The following SMAD5 variants were observed in gnomAD, a reference collection of about 807,000 sequenced individuals.
SMAD5 encodes the protein SMAD family member 5.
Under a neutral mutation model 43.1 loss-of-function variants are expected in SMAD5, and 9 were observed. That is an observed-to-expected ratio of 0.21 (90% confidence interval 0.13 to 0.36). SMAD5 has a LOEUF of 0.36. Ranked by LOEUF, SMAD5 falls within the 10% of genes least tolerant of loss-of-function variation. The pLI is 1.00. For missense variants in SMAD5, 348 were observed against 574.0 expected, an observed-to-expected ratio of 0.61 and a Z score of 4.02; for synonymous variants, 190 against 192.4, an observed-to-expected ratio of 0.99 and a Z score of 0.10.
intron 2 of SMAD5, among the ~76,000 whole-genome samples, chr5:136,148,621 G>T (rs950176144): frequency 6.6e-6 from 1 of 151,738 alleles, no homozygotes; most frequent in African/African-American, 2.4e-5. Flanking sequence ...GCTGCTTGCT[G>T]TGCCCAGAGT....
At chr5:136,165,780 T>A (rs1022438839) in intron 5 of SMAD5, among the ~76,000 whole-genome samples, 1 of 150,626 alleles carries the variant, frequency 6.6e-6, no homozygotes, top group Admixed American at 6.6e-5. Context: ...TTGAGTAATA[T>A]TCCGTTGTAT....
chr5:136,164,190 C>T (rs1753918562), intron 5 of SMAD5, among the ~76,000 whole-genome samples: 1 of 152,066 alleles, frequency 6.6e-6, no homozygotes, highest in African/African-American at 2.4e-5. Context: ...AGCGAGGCTC[C>T]ATCTCAAAAA....
At chr5:136,153,226 A>G (rs904221768) in intron 2 of SMAD5, among the ~76,000 whole-genome samples, 1 of 152,214 alleles carries the variant, frequency 6.6e-6, no homozygotes. Flanking sequence ...TTCAAAATTG[A>G]CATAGCATGT....
intron 3 of SMAD5, among the ~76,000 whole-genome samples, chr5:136,156,241 G>A (rs1206321483): frequency 6.6e-6 from 1 of 152,158 alleles, no homozygotes; most frequent in African/African-American, 2.4e-5. Context: ...TGGTAAGAAG[G>A]ACATTATATT....
chr5:136,155,738 G>A (rs149528202), intron 3 of SMAD5, among the ~76,000 whole-genome samples: 10 of 152,176 alleles, frequency 6.6e-5, no homozygotes, highest in African/African-American at 2.2e-4. Context: ...TCAAATATCC[G>A]CATCACTAAT....
intron 5 of SMAD5, among the ~76,000 whole-genome samples, chr5:136,166,134 T>C (rs1183499465): frequency 6.6e-6 from 1 of 151,792 alleles, no homozygotes; most frequent in African/African-American, 2.4e-5. Context: ...TGAAGAGATA[T>C]CTCACTGTGG....
rs779721443 is a variant in SMAD5 at position 136,174,549 on chromosome 5, C to T, written c.1171C>T (p.Leu391Phe). ...KIFNNQEFAQ[L>F]LAQSVNHGFE... ...TTTTAACAATCAGGAGTTTGCTCAGCTTCTGGCTCAATCTGTCAACCATGG... is the reference window on the plus strand; with the variant it reads ...TTTTAACAATCAGGAGTTTGCTCAGTTTCTGGCTCAATCTGTCAACCATGG... Residue 391 changes from leucine (L) to phenylalanine (F), a missense_variant, in exon 7 of 8, where the codon CTT (leucine) becomes TTT (phenylalanine). Leu to Phe is a conservative substitution (Grantham distance 22). Coordinates refer to ENST00000545279, the MANE Select transcript of SMAD5 (RefSeq NM_005903.7). 8.7e-6 allele frequency: 14 copies of T among 1,613,536 alleles called. No homozygotes were observed. The highest frequency in any genetic ancestry group is 1.2e-5 in the Non-Finnish European group (14 of 1,179,594).
At position 136,163,145 on chromosome 5, in the gene SMAD5, C is replaced by T. The variant is rs1426876821; in HGVS notation, c.656-127C>T. ...CTTTTCCCTTGCCCTAGGATAGTAT[C>T]CTACATTTTTTTGTGTGTGATGTTC... On this transcript the variant is annotated intron_variant, in intron 4 of 7. Coordinates refer to ENST00000545279, the MANE Select transcript of SMAD5 (RefSeq NM_005903.7). 5 of 721,538 alleles carry T rather than the reference C, an allele frequency of 6.9e-6. No homozygotes were observed. The African/African-American group carries it at 9.1e-5, about 13-fold the overall frequency. 44.7% of individuals were successfully genotyped at this position (721,538 alleles called of 1,614,324 possible).
intron 3 of SMAD5, among the ~76,000 whole-genome samples, chr5:136,155,987 A>G (rs912013396): frequency 6.6e-6 from 1 of 152,156 alleles, no homozygotes; most frequent in Non-Finnish European, 1.5e-5. Context: ...AGCACAATGC[A>G]TGTTTATTAC....
intron 1 of SMAD5, among the ~76,000 whole-genome samples, chr5:136,137,073 T>C (rs1323216761): frequency 6.6e-6 from 1 of 150,984 alleles, no homozygotes; most frequent in East Asian, 1.9e-4. Flanking sequence ...TTTGGCCCAG[T>C]TCTAGTAGAG....
chr5:136,138,287 G>A, intron 1 of SMAD5, among the ~76,000 whole-genome samples: 1 of 152,196 alleles, frequency 6.6e-6, no homozygotes, highest in East Asian at 1.9e-4. Flanking sequence ...TGGGAATCAT[G>A]AGTTCAGCTC....
chr5:136,161,370 T>TTA (rs1366622921), intron 4 of SMAD5, among the ~76,000 whole-genome samples: 1 of 152,242 alleles, frequency 6.6e-6, no homozygotes, highest in African/African-American at 2.4e-5. Flanking sequence ...TTATTGTCTT[T>TTA]TATATAACTG....
In SMAD5 at chr5:136,177,775, A is replaced by G. The variant is rs911804247; in HGVS notation, c.*295A>G. The G allele has an allele frequency of 2.4e-5, 6 of 247,938 alleles. No homozygotes were observed. The highest frequency in any genetic ancestry group is 3.8e-5 in the Non-Finnish European group (5 of 130,152). The allele number at this position is 247,938 out of a possible 1,614,324, so 15.4% of individuals were successfully genotyped here. Reference sequence around the variant, plus strand: ...ATGCTTTTACTTTATTGCCCTAACAATTTTTTATTAAATTTATTTGAAAAT... The same window carrying G: ...ATGCTTTTACTTTATTGCCCTAACAGTTTTTTATTAAATTTATTTGAAAAT... On this transcript the variant is annotated 3_prime_UTR_variant, in exon 8 of 8. Coordinates refer to ENST00000545279, the MANE Select transcript of SMAD5 (RefSeq NM_005903.7).
At chr5:136,163,211 C>CT in intron 4 of SMAD5, 61 bp from the exon 5 acceptor site, 1 of 1,436,692 alleles carries the variant, frequency 7.0e-7, no homozygotes, top group South Asian at 1.3e-5. Context: ...TTTTCTAAAG[C>CT]TTTTAGAGTA....
intron 2 of SMAD5, among the ~76,000 whole-genome samples, 199 bp downstream of exon 2, chr5:136,148,105 A>G (rs964992506): frequency 6.6e-6 from 1 of 151,840 alleles, no homozygotes; most frequent in Non-Finnish European, 1.5e-5. Flanking sequence ...GGAAAACATT[A>G]GCTTATAGTA....
At chr5:136,162,470 A>G (rs1399240334) in intron 4 of SMAD5, among the ~76,000 whole-genome samples, 1 of 152,240 alleles carries the variant, frequency 6.6e-6, no homozygotes, top group Admixed American at 6.5e-5. Context: ...TCTTTTGAAG[A>G]GAAATTAAGT....
intron 1 of SMAD5, among the ~76,000 whole-genome samples, chr5:136,136,798 C>A (rs1390078843): frequency 6.6e-6 from 1 of 152,084 alleles, no homozygotes; most frequent in Admixed American, 6.5e-5. Flanking sequence ...CGGCTTCAAG[C>A]GATTCTCCTG....
At chr5:136,144,988 A>C (rs1753211514) in intron 1 of SMAD5, among the ~76,000 whole-genome samples, 1 of 151,956 alleles carries the variant, frequency 6.6e-6, no homozygotes, top group Non-Finnish European at 1.5e-5. Context: ...AGAAAAAAAA[A>C]AGAGTTAAAA....
intron 1 of SMAD5, among the ~76,000 whole-genome samples, chr5:136,135,259 A>C (rs1752834949): frequency 6.6e-6 from 1 of 152,180 alleles, no homozygotes; most frequent in African/African-American, 2.4e-5. Flanking sequence ...TAAAAGTTGC[A>C]TTCTGCAGCA....
Sources: gnomAD v4.1 joint callset for allele counts (sites outside exome capture counted in the v4.1 genomes callset) on GRCh38, gnomAD v4.1.1 for gene constraint, MANE v1.5 for transcripts, NCBI Gene and HGNC (gene_info 2026-07-23, HGNC 2026-07-21) for gene names.